MMP28: variants seen among roughly 807,000 people sequenced by gnomAD.
MMP28 encodes the protein matrix metalloproteinase-28.
A neutral mutation model predicts 60.5 loss-of-function variants in MMP28; 55 were observed. The observed-to-expected ratio is 0.91, with a 90% CI of 0.73 to 1.14. MMP28 has a LOEUF of 1.14. Among genes scored for constraint, MMP28 ranks in the 50% most tolerant of loss-of-function variants. The pLI is 0.00. For synonymous variants in MMP28, 318 were observed against 312.5 expected, an observed-to-expected ratio of 1.02 and a Z score of -0.18; for missense variants, 686 against 738.3, an observed-to-expected ratio of 0.93 and a Z score of 0.82.
chr17:35,794,078 A>G (rs1030118080), intron 1 of MMP28, among the ~76,000 whole-genome samples: 6 of 151,816 alleles, frequency 4.0e-5, no homozygotes, highest in Admixed American at 1.3e-4. Flanking sequence ...ATCCCGGGCA[A>G]CAGAGCGAGA....
At position 35,786,699 on chromosome 17, in the gene MMP28, C is replaced by CAAAAAAAAAAAAAAAAAA. The variant is rs200165337; in HGVS notation, c.112-7377_112-7376insTTTTTTTTTTTTTTTTTT. 2.0e-4 allele frequency among the ~76,000 whole-genome samples: 14 copies of CAAAAAAAAAAAAAAAAAA among 71,044 alleles called. 1 individual carries two copies. The highest frequency in any genetic ancestry group is 7.0e-4 in the African/African-American group (11 of 15,756). 46.6% of individuals were successfully genotyped at this position (71,044 alleles called of 152,430 possible). On this transcript the variant is annotated intron_variant, in intron 1 of 7. Coordinates refer to ENST00000605424, the MANE Select transcript of MMP28 (RefSeq NM_024302.5). The stretch of plus-strand genomic sequence containing the variant: ...GCCTCATAGTGAGATCCTGTCTCTA[C>CAAAAAAAAAAAAAAAAAA]AAAAAAAAAAAAAAAAGATGAATGA...
downstream of MMP28, chr17:35,764,700 G>T: frequency 1.4e-6 from 2 of 1,432,362 alleles, no homozygotes; most frequent in African/African-American, 1.5e-5. Flanking sequence ...GGAGCGCGGA[G>T]CCCTCTTCGA....
chr17:35,790,977 GC>G (rs1179930378), intron 1 of MMP28, among the ~76,000 whole-genome samples: 1 of 151,050 alleles, frequency 6.6e-6, no homozygotes, highest in Admixed American at 6.6e-5. Context: ...CAATCCTCCA[GC>G]CCCGGCCTCC....
chr17:35,758,218 A>G (rs1274221401), intron 2 of MMP28: 1 of 152,088 alleles, frequency 6.6e-6, no homozygotes, highest in African/African-American at 2.4e-5. Context: ...TCTCTTTTGG[A>G]GAGATATTCA....
chr17:35,778,881 T>G lies in MMP28; in HGVS notation c.379+7A>C, dbSNP rs375526600. On this transcript the variant is annotated splice_region_variant and intron_variant, in intron 3 of 7. Coordinates refer to ENST00000605424, the MANE Select transcript of MMP28 (RefSeq NM_024302.5). ...TCTTGGCCTAGCCGGATTTTAACAG[T>G]GCTCACCTTGCTTTGCAAAGCGTTT... 40 of 1,613,932 alleles carry G rather than the reference T, an allele frequency of 2.5e-5. No homozygotes were observed. The African/African-American group carries it at 4.0e-4, about 16-fold the overall frequency.
In MMP28 at chr17:35,767,988, G is replaced by A. The variant is rs533070526; in HGVS notation, c.1001-69C>T. The A allele has an allele frequency of 3.3e-5, 50 of 1,496,598 alleles. No homozygotes were observed. In the East Asian group the frequency reaches 9.8e-4, roughly 29 times the overall value. The allele number at this position is 1,496,598 out of a possible 1,614,324, so 92.7% of individuals were successfully genotyped here. On this transcript the variant is annotated intron_variant, in intron 6 of 7. Transcript: ENST00000605424. ...CTGCTGTCTTTCCAGGAAAGATGCT[G>A]TCCTGGAAGCCAGTTTCCCAAATGG... is the stretch of plus-strand genomic sequence containing the variant.
At chr17:35,762,588 G>A (rs587770677), downstream of MMP28, among the ~76,000 whole-genome samples, 1 of 152,244 alleles carries the variant, frequency 6.6e-6, no homozygotes, top group East Asian at 1.9e-4. Flanking sequence ...GAAGAAGGAG[G>A]AAGCGTCTTT....
At chr17:35,758,786 G>C (rs587769229) in intron 2 of MMP28, among the ~76,000 whole-genome samples, 326 of 152,282 alleles carry the variant, frequency 2.1e-3, no homozygotes, top group Non-Finnish European at 3.8e-3. Flanking sequence ...GACTTTTTAG[G>C]AAGGTCCCAC....
downstream of MMP28, chr17:35,763,897 A>AAAATAAATAAATAAATAAATAAAT (rs35027942): frequency 2.8e-3 from 1,825 of 654,312 alleles, 13 homozygotes; most frequent in Admixed American, 4.7e-3. Context: ...ACCCTGTCTC[A>AAAATAAATAAATAAATAAATAAAT]AAATAAATAA....
rs139898638 is a variant in MMP28 at position 35,778,763 on chromosome 17, C to T, written c.379+125G>A. The T allele has an allele frequency of 3.3e-3, 5,144 of 1,564,952 alleles. 12 individuals carry two copies. Among genetic ancestry groups the T allele is most frequent in the Middle Eastern group, 0.01 (58 of 5,652 alleles). On this transcript the variant is annotated intron_variant, in intron 3 of 7. Transcript: ENST00000605424. ...CAAGCCAAGAGGTCCTATTCACCCA[C>T]TCCTCCCGTGCCCTAGGGAAGAGAG...
At chr17:35,759,897 G>A (rs587632149) in intron 2 of MMP28, among the ~76,000 whole-genome samples, 1 of 152,302 alleles carries the variant, frequency 6.6e-6, no homozygotes, top group South Asian at 2.1e-4. Flanking sequence ...CTGACTTGGA[G>A]CCTCATGTTT....
chr17:35,775,619 T>C (rs2086302906), intron 3 of MMP28, among the ~76,000 whole-genome samples: 1 of 152,224 alleles, frequency 6.6e-6, no homozygotes, highest in African/African-American at 2.4e-5. Context: ...ATGGAATCTC[T>C]CCAAGCCTGT....
intron 1 of MMP28, among the ~76,000 whole-genome samples, chr17:35,786,155 C>G (rs1056453790): frequency 6.6e-5 from 10 of 151,614 alleles, no homozygotes; most frequent in Admixed American, 3.3e-4. Flanking sequence ...CTCCTGGGTT[C>G]AAGTGATTCT....
rs990913572 is a variant in MMP28 at position 35,765,965 on chromosome 17, T to A, written c.*535A>T. ...CTGCATCAGTCTCCCTCCCACTCTG[T>A]GTCCTGACCCCACAAAGGGCCTCTG... On this transcript the variant is annotated 3_prime_UTR_variant, in exon 8 of 8. Coordinates refer to ENST00000605424, the MANE Select transcript of MMP28 (RefSeq NM_024302.5). The A allele has an allele frequency of 5.1e-6, 5 of 985,322 alleles. No individual in the cohort carries two copies. The African/African-American group carries it at 8.7e-5, about 17-fold the overall frequency. 61.0% of individuals were successfully genotyped at this position (985,322 alleles called of 1,614,324 possible).
chr17:35,778,008 T>C (rs1042895744), intron 3 of MMP28, among the ~76,000 whole-genome samples: 2 of 152,222 alleles, frequency 1.3e-5, no homozygotes, highest in African/African-American at 2.4e-5. Flanking sequence ...GCCTGTGTGA[T>C]GGAACAAGAC....
rs536655798 is a variant in MMP28, at chr17:35,786,182, G to A, written c.112-6859C>T. On this transcript the variant is annotated intron_variant, in intron 1 of 7. Coordinates refer to ENST00000605424, the MANE Select transcript of MMP28 (RefSeq NM_024302.5). ...AGTGATTCTCTTGCCTCAGCCTCTC[G>A]AGTAGCTGGGATTACAGGCGTGCGC... is the stretch of plus-strand genomic sequence containing the variant. Among the ~76,000 whole-genome samples the A allele has an allele frequency of 1.3e-4, 20 of 151,740 alleles. No homozygotes were observed. In the East Asian group the frequency reaches 3.5e-3, roughly 27 times the overall value.
At chr17:35,794,883 C>T (rs59285343) in intron 1 of MMP28, among the ~76,000 whole-genome samples, 1 of 152,346 alleles carries the variant, frequency 6.6e-6, no homozygotes, top group African/African-American at 2.4e-5. Context: ...CAGCGGTACC[C>T]TCTCCACAGC....
exon 3 of MMP28, chr17:35,756,353 T>C: frequency 1.0e-6 from 1 of 981,520 alleles, no homozygotes; most frequent in Non-Finnish European, 1.2e-6. Flanking sequence ...TCCTTTCTTG[T>C]TGCTTCTTTA....
chr17:35,770,175 G>GGCCAA lies in MMP28; in HGVS notation c.737_741dup (p.Thr249AlafsTer41). ...GCGCGCGGCGCGGGCGAGTGGGTGA[G>GGCCAA]GCCAAGCGTGTGACCGATCTCGTGC... On this transcript the variant is annotated frameshift_variant, in exon 5 of 8. Transcript: ENST00000605424. LOFTEE classifies it high-confidence loss of function. 1 of 1,606,598 alleles carries GGCCAA rather than the reference G, an allele frequency of 6.2e-7. No individual in the cohort carries two copies. Among genetic ancestry groups the GGCCAA allele is most frequent in the Non-Finnish European group, 8.5e-7 (1 of 1,178,398 alleles).
Sources: allele counts gnomAD v4.1 joint callset (sites outside exome capture counted in the v4.1 genomes callset), GRCh38; gene constraint gnomAD v4.1.1; transcripts MANE v1.5; gene names NCBI Gene and HGNC (gene_info 2026-07-23, HGNC 2026-07-21).